The following LIMCH1 variants were observed in gnomAD, a reference collection of about 807,000 sequenced individuals.
The protein encoded by LIMCH1 is LIM and calponin homology domains-containing protein 1.
Under a neutral mutation model 176.5 loss-of-function variants are expected in LIMCH1, and 113 were observed. The ratio of observed to expected loss-of-function variants is 0.64; its 90% CI spans 0.55 to 0.75. The LOEUF (loss-of-function observed/expected upper bound fraction) is 0.75. Ranked by LOEUF, LIMCH1 falls within the 30% of genes least tolerant of loss-of-function variation. The probability of loss-of-function intolerance (pLI) is 0.00; values close to 1 mark genes in which losing one functional copy is unlikely to be tolerated. For synonymous variants in LIMCH1, 619 were observed against 645.9 expected (o/e 0.96, Z 0.63); for missense variants, 1,674 against 1,814.9 (o/e 0.92, Z 1.41).
At chr4:41,390,255 A>AGC (rs964619176) in intron 1 of LIMCH1, among the ~76,000 whole-genome samples, 4 of 151,442 alleles carry the variant, frequency 2.6e-5, no homozygotes, top group Non-Finnish European at 1.5e-5. Flanking sequence ...AGAGAGAGAG[A>AGC]GAGAGAGAGA....
At chr4:41,419,624 TTCCTTCCTTCCTCCTTCCTTTCTTCC>T (rs1561310633) in intron 1 of LIMCH1, among the ~76,000 whole-genome samples, 42 of 93,278 alleles carry the variant, frequency 4.5e-4, no homozygotes, top group African/African-American at 2.3e-3. Flanking sequence ...CCTTCCTTCC[TTCCTTCCTTCCTCCTTCCTTTCTTCC>T]TCCTTCCTTC....
intron 1 of LIMCH1, among the ~76,000 whole-genome samples, chr4:41,568,949 A>G (rs1448334962): frequency 6.6e-6 from 1 of 151,964 alleles, no homozygotes; most frequent in South Asian, 2.1e-4. Context: ...TCTTCTACAT[A>G]TGGTGTAATG....
At chr4:41,366,278 C>CATTTTGT (rs1290693067) in intron 1 of LIMCH1, among the ~76,000 whole-genome samples, 2 of 152,128 alleles carry the variant, frequency 1.3e-5, no homozygotes, top group Non-Finnish European at 2.9e-5. Context: ...GCGCAAAATA[C>CATTTTGT]ATTTTGTATT....
intron 1 of LIMCH1, among the ~76,000 whole-genome samples, chr4:41,556,055 AAT>A (rs1182563880): frequency 2.0e-5 from 3 of 152,052 alleles, no homozygotes; most frequent in Admixed American, 1.3e-4. Context: ...AGTAATTTTA[AAT>A]AGAGTGGTTG....
intron 1 of LIMCH1, among the ~76,000 whole-genome samples, chr4:41,540,801 G>GCC (rs1165820228): frequency 6.6e-6 from 1 of 152,188 alleles, no homozygotes; most frequent in Non-Finnish European, 1.5e-5. Flanking sequence ...CCTGCTCCTT[G>GCC]CCAGGTACTA....
chr4:41,642,152 T>G (rs911540709), intron 14 of LIMCH1, among the ~76,000 whole-genome samples: 1 of 152,046 alleles, frequency 6.6e-6, no homozygotes, highest in Non-Finnish European at 1.5e-5. Context: ...GATGGCAGAG[T>G]TGAATGAAGG....
intron 2 of LIMCH1, among the ~76,000 whole-genome samples, chr4:41,601,890 T>C (rs371506481): frequency 2.0e-5 from 3 of 152,066 alleles, no homozygotes; most frequent in East Asian, 1.9e-4. Flanking sequence ...CTGTTGTCCC[T>C]CTAAGAGCTG....
At chr4:41,611,524 T>C (rs530791029) in intron 4 of LIMCH1, among the ~76,000 whole-genome samples, 4 of 152,180 alleles carry the variant, frequency 2.6e-5, no homozygotes, top group African/African-American at 7.2e-5. Context: ...CCAAAGATGA[T>C]CAAATATTTT....
chr4:41,560,548 C>G (rs1479358713), intron 1 of LIMCH1, among the ~76,000 whole-genome samples: 3 of 152,178 alleles, frequency 2.0e-5, no homozygotes, highest in African/African-American at 7.2e-5. Flanking sequence ...AAGCTTCATC[C>G]TTGTGTACTC....
intron 1 of LIMCH1, among the ~76,000 whole-genome samples, chr4:41,442,571 T>C (rs1270991092): frequency 6.6e-6 from 1 of 152,224 alleles, no homozygotes; most frequent in Non-Finnish European, 1.5e-5. Context: ...TGAGAACTCA[T>C]CTGTGTGGGT....
At chr4:41,644,368 G>C (rs2093964912) in intron 14 of LIMCH1, 132 bp from the exon 15 acceptor site, 1 of 1,204,524 alleles carries the variant, frequency 8.3e-7, no homozygotes, top group Non-Finnish European at 1.1e-6. Flanking sequence ...CCAGTCACGC[G>C]CTGTGCGCAG....
intron 2 of LIMCH1, among the ~76,000 whole-genome samples, chr4:41,509,199 C>T (rs1165713617): frequency 6.6e-6 from 1 of 152,198 alleles, no homozygotes; most frequent in East Asian, 1.9e-4. Flanking sequence ...TGACTTTAGA[C>T]TGGTCCCTAC....
rs1395101692 is a variant in LIMCH1, at chr4:41,631,492, A to G, written c.1601+15A>G. 6.7e-7 allele frequency: 1 copy of G among 1,492,612 alleles called. No homozygotes were observed. Among genetic ancestry groups the G allele is most frequent in the Non-Finnish European group, 8.9e-7 (1 of 1,126,060 alleles). 92.5% of individuals were successfully genotyped at this position (1,492,612 alleles called of 1,614,324 possible). On this transcript the variant is annotated intron_variant, in intron 10 of 31. Transcript: ENST00000503057. ...AATGACTGCAGGTATTTTTTGCCAT[A>G]CGTGTGCAAGGATATCTGCATGGGA...
rs1731875372 is a variant in LIMCH1, at chr4:41,698,494, T to C, written c.*1309T>C. 1 of 149,312 alleles carries C rather than the reference T, an allele frequency of 6.7e-6. No individual in the cohort carries two copies. The allele number at this position is 149,312 out of a possible 1,614,324, so 9.2% of individuals were successfully genotyped here. ...ATCACAATGTAGATCTCCAGGCTGG[T>C]TTTTTGTTTTTTGTTGTTAAGACTG... On this transcript the variant is annotated 3_prime_UTR_variant, in exon 32 of 32. Transcript: ENST00000503057.
At chr4:41,625,798 G>A (rs747554328) in intron 7 of LIMCH1, among the ~76,000 whole-genome samples, 1 of 152,130 alleles carries the variant, frequency 6.6e-6, no homozygotes, top group African/African-American at 2.4e-5. Flanking sequence ...TCGCAAATTG[G>A]CAGGGTCATT....
chr4:41,513,333 G>T lies in LIMCH1; in HGVS notation c.168-11076G>T, dbSNP rs138141294. The stretch of plus-strand genomic sequence containing the variant: ...GATGATTTTCCTGCCAGAGCCTCTG[G>T]CCTCAAGAATGTATTCCCCAGTCCT... On this transcript the variant is annotated intron_variant, in intron 2 of 26. Transcript: ENST00000313860. Among the ~76,000 whole-genome samples the T allele has an allele frequency of 1.4e-3, 212 of 152,276 alleles. 1 individual carries two copies. The highest frequency in any genetic ancestry group is 4.9e-3 in the African/African-American group (204 of 41,582).
At chr4:41,667,495 G>A (rs142669109) in intron 21 of LIMCH1, among the ~76,000 whole-genome samples, 1 of 152,028 alleles carries the variant, frequency 6.6e-6, no homozygotes, top group Non-Finnish European at 1.5e-5. Context: ...ATTTTAATAT[G>A]TTTGATGTAT....
At chr4:41,476,290 T>C (rs917306972) in intron 1 of LIMCH1, among the ~76,000 whole-genome samples, 7 of 152,252 alleles carry the variant, frequency 4.6e-5, no homozygotes, top group African/African-American at 1.7e-4. Context: ...AAGAATAACC[T>C]TGCTTTTTTT....
intron 1 of LIMCH1, among the ~76,000 whole-genome samples, chr4:41,387,646 A>G (rs558110124): frequency 3.0e-4 from 45 of 152,386 alleles, no homozygotes; most frequent in Non-Finnish European, 5.6e-4. Context: ...TTTTCTGATG[A>G]AGGCATGGTT....
Sources: gnomAD v4.1 joint callset for allele counts (sites outside exome capture counted in the v4.1 genomes callset) on GRCh38, gnomAD v4.1.1 for gene constraint, MANE v1.5 for transcripts, NCBI Gene and HGNC (gene_info 2026-07-23, HGNC 2026-07-21) for gene names.